The following KSR2 variants were observed in gnomAD, a reference collection of about 807,000 sequenced individuals.
KSR2 encodes the protein kinase suppressor of ras 2.
KSR2 carries 25 observed loss-of-function variants against 107.8 expected under a neutral mutation model. The observed-to-expected ratio is 0.23, with a 90% CI of 0.17 to 0.32. The LOEUF (loss-of-function observed/expected upper bound fraction) is 0.32, where lower values mean the gene tolerates loss of function less well. Ranked by LOEUF, KSR2 falls within the 10% of genes least tolerant of loss-of-function variation. The pLI is 1.00. For synonymous variants in KSR2, 480 were observed against 507.0 expected (o/e 0.95, Z 0.71); for missense variants, 887 against 1,268.9 (o/e 0.70, Z 4.57).
chr12:117,682,492 AC>A (rs1885409116), intron 4 of KSR2, among the ~76,000 whole-genome samples: 1 of 151,714 alleles, frequency 6.6e-6, no homozygotes, highest in Non-Finnish European at 1.5e-5. Flanking sequence ...ATCTCGGCTC[AC>A]CGCAACCTCT....
chr12:117,749,520 G>A (rs1464972624), intron 4 of KSR2, among the ~76,000 whole-genome samples: 2 of 152,078 alleles, frequency 1.3e-5, no homozygotes, highest in Non-Finnish European at 2.9e-5. Context: ...GTTTGTTCCT[G>A]TAAATAATAA....
At chr12:117,567,698 C>T (rs148672770) in intron 7 of KSR2, among the ~76,000 whole-genome samples, 2 of 151,540 alleles carry the variant, frequency 1.3e-5, no homozygotes, top group Admixed American at 6.6e-5. Flanking sequence ...CGAATCCTTG[C>T]CCCCTTTGCA....
intron 4 of KSR2, among the ~76,000 whole-genome samples, chr12:117,685,645 C>CTCACAAACAG (rs1363280151): frequency 6.6e-6 from 1 of 152,190 alleles, no homozygotes; most frequent in Non-Finnish European, 1.5e-5. Flanking sequence ...CACAAACATT[C>CTCACAAACAG]CCGAAATCAG....
chr12:117,806,725 C>T (rs950609202), intron 3 of KSR2, among the ~76,000 whole-genome samples: 5 of 152,206 alleles, frequency 3.3e-5, no homozygotes, highest in Non-Finnish European at 7.3e-5. Flanking sequence ...TGGGTTTACC[C>T]ATTCTGGACA....
At chr12:117,505,769 C>CT (rs1239754192) in intron 14 of KSR2, among the ~76,000 whole-genome samples, 1 of 152,198 alleles carries the variant, frequency 6.6e-6, no homozygotes, top group Non-Finnish European at 1.5e-5. Context: ...AATGTGACCT[C>CT]TTTTTTCTGC....
intron 10 of KSR2, among the ~76,000 whole-genome samples, chr12:117,536,575 G>T (rs1256419589): frequency 6.6e-6 from 1 of 151,966 alleles, no homozygotes; most frequent in Non-Finnish European, 1.5e-5. Flanking sequence ...ATGCACACTG[G>T]TACACAGACA....
chr12:117,901,364 G>A (rs1439417704), intron 1 of KSR2, among the ~76,000 whole-genome samples: 3 of 150,242 alleles, frequency 2.0e-5, no homozygotes, highest in African/African-American at 7.4e-5. Context: ...GTGCAGTGGT[G>A]CAATCTCAGC....
chr12:117,682,898 T>C (rs1275220837), intron 4 of KSR2, among the ~76,000 whole-genome samples: 1 of 151,832 alleles, frequency 6.6e-6, no homozygotes, highest in Non-Finnish European at 1.5e-5. Context: ...GGTCATGAGG[T>C]TGGAGGGAGG....
chr12:117,718,786 A>T (rs1887097744), intron 4 of KSR2, among the ~76,000 whole-genome samples: 1 of 152,186 alleles, frequency 6.6e-6, no homozygotes, highest in Non-Finnish European at 1.5e-5. Context: ...GCTTGAATAC[A>T]CATGCCAACA....
intron 4 of KSR2, among the ~76,000 whole-genome samples, chr12:117,758,042 G>A (rs1888858537): frequency 6.6e-6 from 1 of 152,030 alleles, no homozygotes; most frequent in East Asian, 1.9e-4. Flanking sequence ...CTGGTCACAA[G>A]CCATTAAAAT....
chr12:117,667,174 T>C (rs1434603618), intron 5 of KSR2, among the ~76,000 whole-genome samples: 4 of 152,126 alleles, frequency 2.6e-5, no homozygotes, highest in Non-Finnish European at 5.9e-5. Flanking sequence ...CTGCTTGCTT[T>C]TCTCTATCTT....
intron 5 of KSR2, among the ~76,000 whole-genome samples, chr12:117,652,200 T>C (rs1305489007): frequency 1.3e-5 from 2 of 152,126 alleles, no homozygotes; most frequent in Non-Finnish European, 2.9e-5. Context: ...ACTACAAATA[T>C]GGTACAGTGT....
At chr12:117,913,167 G>A (rs1895074240) in intron 1 of KSR2, among the ~76,000 whole-genome samples, 1 of 152,148 alleles carries the variant, frequency 6.6e-6, no homozygotes, top group African/African-American at 2.4e-5. Context: ...GGTGGCCCCA[G>A]AAGAGAAATC....
chr12:117,546,654 T>C (rs1259424721), intron 9 of KSR2, among the ~76,000 whole-genome samples: 1 of 152,220 alleles, frequency 6.6e-6, no homozygotes, highest in Non-Finnish European at 1.5e-5. Flanking sequence ...GATACTCTGC[T>C]CAGGCCATTT....
intron 3 of KSR2, among the ~76,000 whole-genome samples, chr12:117,799,504 A>G (rs536357695): frequency 5.8e-4 from 89 of 152,156 alleles, no homozygotes; most frequent in African/African-American, 2.0e-3. Context: ...TCCACCAAAA[A>G]AAAAAAGAAA....
intron 5 of KSR2, among the ~76,000 whole-genome samples, chr12:117,618,295 A>G (rs1190225108): frequency 6.6e-6 from 1 of 151,974 alleles, no homozygotes; most frequent in African/African-American, 2.4e-5. Flanking sequence ...CAGAGTCCCT[A>G]CTGGACACAT....
intron 3 of KSR2, among the ~76,000 whole-genome samples, chr12:117,820,535 C>A (rs1035976493): frequency 1.4e-4 from 21 of 152,110 alleles, no homozygotes; most frequent in African/African-American, 4.3e-4. Flanking sequence ...CGTTGTCTTG[C>A]AATTTGAAAA....
Position 117,669,954 on chromosome 12 carries a change from TA to T in KSR2, c.987-2297del, listed in dbSNP as rs10629052. On this transcript the variant is annotated intron_variant, in intron 4 of 19. Coordinates refer to ENST00000339824, the MANE Select transcript of KSR2 (RefSeq NM_173598.6). ...AATTATTCACAGTCTGTTGCTGAAA[TA>T]AAAAAAAATAGGGTATTTAAGATTC... Among the ~76,000 whole-genome samples the T allele has an allele frequency of 1.4e-3, 216 of 151,208 alleles. 2 individuals carry two copies. Among genetic ancestry groups the T allele is most frequent in the East Asian group, 8.5e-3 (44 of 5,154 alleles).
At position 117,962,569 on chromosome 12, in the gene KSR2, C is replaced by T. The variant is rs558580562; in HGVS notation, c.180+5507G>A. Among the ~76,000 whole-genome samples the T allele has an allele frequency of 4.6e-5, 7 of 151,832 alleles. No individual in the cohort carries two copies. The South Asian group carries it at 1.2e-3, about 27-fold the overall frequency. On this transcript the variant is annotated intron_variant, in intron 1 of 19. Transcript: ENST00000339824. ...AAGTGATTCTCCTGCCTTAGCCTCC[C>T]GAGTAGTTGGGATTACAGGTACCCG...
Sources: gnomAD v4.1 joint callset for allele counts (sites outside exome capture counted in the v4.1 genomes callset) on GRCh38, gnomAD v4.1.1 for gene constraint, MANE v1.5 for transcripts, NCBI Gene and HGNC (gene_info 2026-07-23, HGNC 2026-07-21) for gene names.